The following BCAS4 variants were observed in gnomAD, a reference collection of about 807,000 sequenced individuals.
BCAS4 encodes breast carcinoma-amplified sequence 4.
Under a neutral mutation model 15.7 loss-of-function variants are expected in BCAS4, and 9 were observed. The ratio of observed to expected loss-of-function variants is 0.57; its 90% CI spans 0.34 to 1.00. The LOEUF (loss-of-function observed/expected upper bound fraction) is 1.00. Ranked by LOEUF, BCAS4 falls within the 50% of genes least tolerant of loss-of-function variation. The pLI is 0.02. For synonymous variants in BCAS4, 101 were observed against 99.5 expected, an observed-to-expected ratio of 1.02 and a Z score of -0.09; for missense variants, 225 against 239.1, an observed-to-expected ratio of 0.94 and a Z score of 0.39.
rs940504126 is a variant in BCAS4, at chr20:50,840,627, T to C, written c.265-1139T>C. 3 of 1,604,536 alleles carry C rather than the reference T, an allele frequency of 1.9e-6. No homozygotes were observed. The African/African-American group carries it at 4.0e-5, about 21-fold the overall frequency. On this transcript the variant is annotated intron_variant, in intron 3 of 4. Transcript: ENST00000371608. ...GGCACACGCCTCATTACGATTCGCC[T>C]GCTTGCTTCTCCTGTTCAATCGTTT...
At chr20:50,832,144 C>T (rs377054890) in intron 3 of BCAS4, among the ~76,000 whole-genome samples, 5 of 152,162 alleles carry the variant, frequency 3.3e-5, no homozygotes, top group East Asian at 3.9e-4. Context: ...AGCCTCCTAT[C>T]GCTGCTGGGA....
chr20:50,806,181 C>A (rs1308129597), intron 1 of BCAS4, among the ~76,000 whole-genome samples: 1 of 152,114 alleles, frequency 6.6e-6, no homozygotes, highest in Admixed American at 6.6e-5. Context: ...TAGCTTCTGT[C>A]ATGAGACAGA....
chr20:50,814,561 G>A (rs1242610655), intron 1 of BCAS4, among the ~76,000 whole-genome samples: 1 of 152,236 alleles, frequency 6.6e-6, no homozygotes, highest in Non-Finnish European at 1.5e-5. Context: ...GGGATTACAG[G>A]CATGAGCCGC....
At chr20:50,818,455 GCTCT>G (rs1330149039) in intron 2 of BCAS4, among the ~76,000 whole-genome samples, 173 bp downstream of exon 2, 1 of 148,948 alleles carries the variant, frequency 6.7e-6, no homozygotes, top group Admixed American at 6.7e-5. Flanking sequence ...TCTCTCTCTC[GCTCT>G]CTCTCTCTCA....
chr20:50,840,757 G>A (rs1001068736), intron 3 of BCAS4: 3 of 1,604,420 alleles, frequency 1.9e-6, no homozygotes, highest in Non-Finnish European at 8.5e-7. Context: ...CATGGTTACG[G>A]AGGAGAAGCG....
At chr20:50,853,685 G>T (rs1471968985) in intron 4 of BCAS4, among the ~76,000 whole-genome samples, 5 of 136,844 alleles carry the variant, frequency 3.7e-5, no homozygotes, top group African/African-American at 1.4e-4. Context: ...TGTACTGGGG[G>T]GTGTTTTGTG....
At chr20:50,802,905 G>T (rs1245726481) in intron 1 of BCAS4, among the ~76,000 whole-genome samples, 1 of 151,302 alleles carries the variant, frequency 6.6e-6, no homozygotes, top group Non-Finnish European at 1.5e-5. Context: ...ACGTTGGCTG[G>T]CCATGGTGGC....
upstream of BCAS4, chr20:50,794,994 A>T (rs1302436333): frequency 3.8e-6 from 5 of 1,317,152 alleles, no homozygotes; most frequent in Non-Finnish European, 4.8e-6. Flanking sequence ...TCCGCGGGGC[A>T]TGCAGCGGAC....
At chr20:50,818,151 A>T in intron 1 of BCAS4, 60 bp from the exon 2 acceptor site, 2 of 1,452,644 alleles carry the variant, frequency 1.4e-6, no homozygotes, top group Non-Finnish European at 1.9e-6. Flanking sequence ...AAAAAAAATG[A>T]AGGGTGTTTG....
intron 4 of BCAS4, among the ~76,000 whole-genome samples, chr20:50,854,807 G>T (rs895461798): frequency 2.0e-5 from 3 of 152,214 alleles, no homozygotes; most frequent in African/African-American, 7.2e-5. Flanking sequence ...CGTCTTCAAG[G>T]CTGCCAAAGC....
intron 4 of BCAS4, among the ~76,000 whole-genome samples, chr20:50,861,100 G>A (rs1325487330): frequency 6.6e-6 from 1 of 152,052 alleles, no homozygotes; most frequent in East Asian, 1.9e-4. Context: ...GTTCAGCACT[G>A]GAGGCATCCA....
At chr20:50,829,845 T>G (rs2088322451) in intron 2 of BCAS4, among the ~76,000 whole-genome samples, 1 of 151,764 alleles carries the variant, frequency 6.6e-6, no homozygotes, top group African/African-American at 2.4e-5. Context: ...TACATAAGAG[T>G]TGTGGCTTTC....
chr20:50,814,871 G>A (rs1179910093), intron 1 of BCAS4, among the ~76,000 whole-genome samples: 1 of 152,176 alleles, frequency 6.6e-6, no homozygotes, highest in African/African-American at 2.4e-5. Flanking sequence ...ACTTTGGGAG[G>A]CTGAGGCAGG....
chr20:50,816,166 C>T (rs1002398131), intron 1 of BCAS4, among the ~76,000 whole-genome samples: 6 of 152,168 alleles, frequency 3.9e-5, no homozygotes, highest in Non-Finnish European at 8.8e-5. Context: ...GCTGGGACTA[C>T]AGACGCGTGC....
chr20:50,840,669 A>AT (rs2088467343), intron 3 of BCAS4: 36 of 1,612,986 alleles, frequency 2.2e-5, no homozygotes, highest in Non-Finnish European at 1.7e-6. Flanking sequence ...AAGGCAGTGG[A>AT]TTTTTCTCTT....
chr20:50,839,415 G>A (rs898228477), intron 3 of BCAS4, among the ~76,000 whole-genome samples: 17 of 152,204 alleles, frequency 1.1e-4, no homozygotes, highest in African/African-American at 3.4e-4. Flanking sequence ...AAGATTTTTC[G>A]TAAAATCTGA....
intron 4 of BCAS4, among the ~76,000 whole-genome samples, chr20:50,842,764 G>A (rs2088500922): frequency 1.3e-5 from 2 of 152,152 alleles, no homozygotes; most frequent in Non-Finnish European, 2.9e-5. Flanking sequence ...CGGGGAAGGA[G>A]ATAAGGGGAC....
At chr20:50,843,866 G>A (rs184926825) in intron 4 of BCAS4, among the ~76,000 whole-genome samples, 3 of 152,248 alleles carry the variant, frequency 2.0e-5, no homozygotes, top group South Asian at 2.1e-4. Context: ...ATTTGGGGCC[G>A]GGCACGGTGG....
intron 4 of BCAS4, among the ~76,000 whole-genome samples, chr20:50,872,134 G>C (rs186016914): frequency 6.6e-6 from 1 of 151,910 alleles, no homozygotes; most frequent in Non-Finnish European, 1.5e-5. Flanking sequence ...GGTGGTGGGC[G>C]CCTTTAGTAA....
Sources: gnomAD v4.1 joint callset for allele counts (sites outside exome capture counted in the v4.1 genomes callset) on GRCh38, gnomAD v4.1.1 for gene constraint, MANE v1.5 for transcripts, NCBI Gene and HGNC (gene_info 2026-07-23, HGNC 2026-07-21) for gene names.